The following HIVEP3 variants were observed in gnomAD, a reference collection of about 807,000 sequenced individuals.
HIVEP3 encodes HIVEP zinc finger 3, also known as transcription factor HIVEP3.
HIVEP3 carries 49 observed loss-of-function variants against 152.8 expected under a neutral mutation model. The observed-to-expected ratio is 0.32, with a 90% CI of 0.26 to 0.41. The LOEUF is 0.41. Ranked by LOEUF, HIVEP3 falls within the 10% of genes least tolerant of loss-of-function variation. The pLI, the probability that HIVEP3 is intolerant of heterozygous loss-of-function variation, is 1.00. For missense variants in HIVEP3, 2,790 were observed against 3,103.3 expected (o/e 0.90, Z 2.40); for synonymous variants, 1,269 against 1,289.0 (o/e 0.98, Z 0.33).
rs558705943 is a variant in HIVEP3, at chr1:41,985,156, C to T, written n.119+50651G>A. The stretch of plus-strand genomic sequence containing the variant: ...AGAATGGAAAACTAGTTCCAGGTTA[C>T]GGGCACGTGAACTATGCTAAGCATG... On this transcript the variant is annotated intron_variant and non_coding_transcript_variant, in intron 1 of 3. Transcript: ENST00000489103. Among the ~76,000 whole-genome samples, 10 of 152,168 alleles carry T rather than the reference C, an allele frequency of 6.6e-5. No individual in the cohort carries two copies. The East Asian group carries it at 9.6e-4, about 15-fold the overall frequency.
intron 1 of HIVEP3, among the ~76,000 whole-genome samples, chr1:41,711,848 A>C (rs1646518215): frequency 1.3e-5 from 2 of 152,164 alleles, no homozygotes; most frequent in African/African-American, 4.8e-5. Context: ...CTGACTCTAA[A>C]CAATGGGCTA....
In HIVEP3 at chr1:41,575,613, C is replaced by A; in HGVS notation, c.5138G>T (p.Gly1713Val). ...ARVEKEEERR[G>V]EPEEDAPASQ... ...GGCAGGAGCATCCTCCTCCGGCTCCCCTCTCCTCTCTTCTTCCTTCTCCAC... is the reference window on the plus strand; with the variant it reads ...GGCAGGAGCATCCTCCTCCGGCTCCACTCTCCTCTCTTCTTCCTTCTCCAC... Residue 1713 changes from glycine (G) to valine (V), a missense_variant, in exon 5 of 9, where the codon GGG becomes GTG. Around this residue, in one of 9 missense-constraint regions of HIVEP3, gnomAD observed 1,078 missense variants for 1,165.3 expected, o/e 0.93. Coordinates refer to ENST00000372583, the MANE Select transcript of HIVEP3 (RefSeq NM_024503.5). 6.2e-7 allele frequency: 1 copy of A among 1,614,146 alleles called. No homozygotes were observed. Among genetic ancestry groups the A allele is most frequent in the Non-Finnish European group, 8.5e-7 (1 of 1,179,982 alleles).
chr1:41,824,792 GAGAGAGAGAGAGAGAGAGAGAGAGAGAA>G (rs1444971174), intron 1 of HIVEP3, among the ~76,000 whole-genome samples: 10,553 of 28,920 alleles, frequency 0.36, 618 homozygotes, highest in East Asian at 0.53. Context: ...TATAGAGAGA[GAGAGAGAGAGAGAGAGAGAGAGAGAGAA>G]AGAGAGAGAG....
chr1:41,830,463 T>C (rs905375234), intron 1 of HIVEP3, among the ~76,000 whole-genome samples: 1 of 152,216 alleles, frequency 6.6e-6, no homozygotes, highest in Non-Finnish European at 1.5e-5. Flanking sequence ...CCCTCCAGCA[T>C]GGAGCCACTC....
At chr1:41,811,517 G>T (rs1175507476) in intron 1 of HIVEP3, among the ~76,000 whole-genome samples, 1 of 151,842 alleles carries the variant, frequency 6.6e-6, no homozygotes, top group African/African-American at 2.4e-5. Context: ...AGTTACATTT[G>T]CTGTTAGGCA....
At chr1:41,529,946 A>C (rs2149061235) in intron 5 of HIVEP3, among the ~76,000 whole-genome samples, 2 of 43,632 alleles carry the variant, frequency 4.6e-5, no homozygotes, top group African/African-American at 1.0e-4. Context: ...TGCACCCCCC[A>C]CCCTAACACG....
intron 5 of HIVEP3, among the ~76,000 whole-genome samples, chr1:41,546,605 G>A (rs1273441942): frequency 6.6e-6 from 1 of 152,204 alleles, no homozygotes; most frequent in Non-Finnish European, 1.5e-5. Context: ...CAAAGGCCTT[G>A]CCCAAGGTCA....
intron 2 of HIVEP3, among the ~76,000 whole-genome samples, chr1:41,641,784 C>T (rs907989536): frequency 1.3e-5 from 2 of 152,208 alleles, no homozygotes; most frequent in Non-Finnish European, 2.9e-5. Flanking sequence ...ACCCCCAACC[C>T]TGGCAGGTCC....
At chr1:41,803,708 C>T (rs1650435822) in intron 1 of HIVEP3, among the ~76,000 whole-genome samples, 1 of 152,206 alleles carries the variant, frequency 6.6e-6, no homozygotes, top group South Asian at 2.1e-4. Flanking sequence ...GTGTTCCTTG[C>T]CTGGTACACT....
intron 1 of HIVEP3, among the ~76,000 whole-genome samples, chr1:41,901,249 G>T (rs551592530): frequency 2.6e-5 from 4 of 152,074 alleles, no homozygotes; most frequent in Non-Finnish European, 5.9e-5. Flanking sequence ...AGGGGCTGGG[G>T]TGTGGGTTGG....
intron 2 of HIVEP3, among the ~76,000 whole-genome samples, chr1:41,700,528 C>A (rs1461285051): frequency 6.6e-6 from 1 of 152,210 alleles, no homozygotes; most frequent in African/African-American, 2.4e-5. Flanking sequence ...CTGTCCTCCC[C>A]AGAGCCCAGG....
intron 1 of HIVEP3, among the ~76,000 whole-genome samples, chr1:41,770,592 A>C (rs1648291521): frequency 6.6e-6 from 1 of 152,212 alleles, no homozygotes; most frequent in Non-Finnish European, 1.5e-5. Context: ...AGGGGACAGC[A>C]CTTCTACCAT....
At chr1:41,665,255 G>T (rs1371429900) in intron 2 of HIVEP3, among the ~76,000 whole-genome samples, 2 of 152,200 alleles carry the variant, frequency 1.3e-5, no homozygotes, top group Admixed American at 6.5e-5. Context: ...CCCACCTGCA[G>T]ACCAGGCCTC....
chr1:41,711,901 G>T (rs1424720501), intron 1 of HIVEP3, among the ~76,000 whole-genome samples: 1 of 152,208 alleles, frequency 6.6e-6, no homozygotes, highest in African/African-American at 2.4e-5. Flanking sequence ...GCAGGCTCTG[G>T]GCGGTGACCA....
Position 41,873,692 on chromosome 1 carries a change from T to C in HIVEP3, c.-801+44721A>G, listed in dbSNP as rs1183726148. On this transcript the variant is annotated intron_variant, in intron 1 of 8. Coordinates refer to ENST00000372583, the MANE Select transcript of HIVEP3 (RefSeq NM_024503.5). The surrounding 1 kb of genome is among the most constrained non-coding windows in gnomAD (Gnocchi z 4.2). Reference sequence around the variant, plus strand: ...AATTCTCTTTAACTCTCTTCCAGAATACCTCACTACCTTCAGAAAGGAAGA... The same window carrying C: ...AATTCTCTTTAACTCTCTTCCAGAACACCTCACTACCTTCAGAAAGGAAGA... 2.0e-5 allele frequency among the ~76,000 whole-genome samples: 3 copies of C among 152,170 alleles called. No individual in the cohort carries two copies. The highest frequency in any genetic ancestry group is 4.4e-5 in the Non-Finnish European group (3 of 68,026).
intron 1 of HIVEP3, among the ~76,000 whole-genome samples, chr1:42,003,706 C>T (rs1285442314): frequency 1.3e-5 from 2 of 151,496 alleles, no homozygotes; most frequent in Admixed American, 6.6e-5. Context: ...AGAAGGATCA[C>T]ATTTCCTGTG....
At chr1:41,613,117 C>T (rs1644921434) in intron 3 of HIVEP3, among the ~76,000 whole-genome samples, 1 of 152,258 alleles carries the variant, frequency 6.6e-6, no homozygotes, top group Non-Finnish European at 1.5e-5. Context: ...GCTAGGGGCT[C>T]ACTGCCTGCA....
chr1:41,827,378 C>T (rs1642834982), intron 1 of HIVEP3, among the ~76,000 whole-genome samples: 1 of 152,220 alleles, frequency 6.6e-6, no homozygotes, highest in Admixed American at 6.5e-5. Context: ...TTCCCTGCTG[C>T]TGTTTGCCAA....
At chr1:41,651,531 C>A (rs371956142) in intron 2 of HIVEP3, among the ~76,000 whole-genome samples, 1 of 151,676 alleles carries the variant, frequency 6.6e-6, no homozygotes, top group African/African-American at 2.4e-5. Context: ...TATTAGGTAT[C>A]GTAAATAATC....
Sources: gnomAD v4.1 joint callset for allele counts (sites outside exome capture counted in the v4.1 genomes callset) on GRCh38, gnomAD v4.1.1 for gene constraint, gnomAD v4.1.1 regional missense constraint, Gnocchi (gnomAD v3.1) non-coding constraint, MANE v1.5 for transcripts, NCBI Gene and HGNC (gene_info 2026-07-23, HGNC 2026-07-21) for gene names.